Variants in STK3 observed in about 807,000 individuals in gnomAD.
The protein encoded by STK3 is serine/threonine-protein kinase 3.
Under a neutral mutation model 58.0 loss-of-function variants are expected in STK3, and 41 were observed. That is an observed-to-expected ratio of 0.71 (90% CI 0.55 to 0.92). The LOEUF (loss-of-function observed/expected upper bound fraction) is 0.92, where lower values mean the gene tolerates loss of function less well. Ranked by LOEUF, STK3 falls within the 40% of genes least tolerant of loss-of-function variation. The pLI, the probability that STK3 is intolerant of heterozygous loss-of-function variation, is 0.00. For synonymous variants in STK3, 170 were observed against 191.0 expected, an observed-to-expected ratio of 0.89 and a Z score of 0.91; for missense variants, 479 against 602.7, an observed-to-expected ratio of 0.79 and a Z score of 2.15.
At chr8:98,737,866 C>A (rs1828746873) in intron 4 of STK3, among the ~76,000 whole-genome samples, 1 of 152,212 alleles carries the variant, frequency 6.6e-6, no homozygotes, top group East Asian at 1.9e-4. Flanking sequence ...TGCCAGCACA[C>A]CCAGCTAATT....
chr8:98,554,120 C>A (rs1429589902), intron 8 of STK3, among the ~76,000 whole-genome samples: 1 of 152,098 alleles, frequency 6.6e-6, no homozygotes, highest in Non-Finnish European at 1.5e-5. Context: ...CTAAGACCTA[C>A]CTTCTAATTA....
chr8:98,362,365 C>T, the STK3 span, among the ~76,000 whole-genome samples: 1 of 151,940 alleles, frequency 6.6e-6, no homozygotes, highest in Non-Finnish European at 1.5e-5. Context: ...TTTTTTGAGA[C>T]ACTGGGTGCT....
At chr8:98,464,773 A>G (rs546474581) in intron 10 of STK3, among the ~76,000 whole-genome samples, 36 of 152,106 alleles carry the variant, frequency 2.4e-4, no homozygotes, top group Non-Finnish European at 3.2e-4. Context: ...ACTTGATAAC[A>G]CTATAGAAGA....
rs116627653 is a variant in STK3, at chr8:98,657,257, A to G, written c.684+49210T>C. 6.8e-3 allele frequency among the ~76,000 whole-genome samples: 1,040 copies of G among 152,180 alleles called. 8 individuals carry two copies. The highest frequency in any genetic ancestry group is 0.023 in the African/African-American group (975 of 41,544). On this transcript the variant is annotated intron_variant, in intron 6 of 10. Transcript: ENST00000419617. ...TGTGGTAAGTACTGGACACACATCAAATCATTCAATCACAAACAACCCTTC... is the reference window on the plus strand; with the variant it reads ...TGTGGTAAGTACTGGACACACATCAGATCATTCAATCACAAACAACCCTTC...
intron 4 of STK3, among the ~76,000 whole-genome samples, chr8:98,742,854 C>T (rs1829329415): frequency 6.6e-6 from 1 of 151,964 alleles, no homozygotes; most frequent in Admixed American, 6.6e-5. Flanking sequence ...CCAAAATCTC[C>T]TTAAGCTGAT....
chr8:98,582,382 A>AGTTATAT (rs1813994667), intron 7 of STK3, among the ~76,000 whole-genome samples: 1 of 151,818 alleles, frequency 6.6e-6, no homozygotes, highest in South Asian at 2.1e-4. Flanking sequence ...GCATTTTTTA[A>AGTTATAT]GTTATATGTA....
At chr8:98,585,947 G>C (rs546946254) in intron 7 of STK3, among the ~76,000 whole-genome samples, 1 of 152,096 alleles carries the variant, frequency 6.6e-6, no homozygotes, top group Non-Finnish European at 1.5e-5. Context: ...CATTGATTTT[G>C]TATCCTGAAA....
At chr8:98,850,644 T>C (rs1379184927) in intron 3 of STK3, among the ~76,000 whole-genome samples, 1 of 152,012 alleles carries the variant, frequency 6.6e-6, no homozygotes, top group Non-Finnish European at 1.5e-5. Flanking sequence ...TACGAAGGCA[T>C]GAAGATGTAA....
chr8:98,904,927 G>C (rs1442222823), intron 1 of STK3: 3 of 704,224 alleles, frequency 4.3e-6, no homozygotes, highest in African/African-American at 3.5e-5. Flanking sequence ...GACATGGTCT[G>C]CTCTGCCTAG....
At chr8:98,393,084 G>T (rs1273601587), upstream of STK3, among the ~76,000 whole-genome samples, 1 of 152,182 alleles carries the variant, frequency 6.6e-6, no homozygotes, top group East Asian at 1.9e-4. Context: ...TCTAGGAAGT[G>T]ACACTAATAT....
intron 10 of STK3, among the ~76,000 whole-genome samples, chr8:98,520,287 A>G (rs1012843437): frequency 7.5e-4 from 114 of 152,268 alleles, no homozygotes; most frequent in African/African-American, 2.5e-3. Context: ...TCTTTTTATG[A>G]TAATCCCCAA....
chr8:98,530,097 G>C (rs555829446), intron 9 of STK3, among the ~76,000 whole-genome samples: 10 of 152,002 alleles, frequency 6.6e-5, no homozygotes, highest in African/African-American at 2.4e-4. Context: ...TAAATTTTTT[G>C]GTTTCCCAGT....
At position 98,708,123 on chromosome 8, in the gene STK3, A is replaced by C. The variant is rs140730154; in HGVS notation, c.352-812T>G. ...CACTGCATGCCAGCCTGGGCGACACAGCGAGACTCCATCTCAAAAAAAAAA... is the reference window on the plus strand; with the variant it reads ...CACTGCATGCCAGCCTGGGCGACACCGCGAGACTCCATCTCAAAAAAAAAA... On this transcript the variant is annotated intron_variant, in intron 4 of 10. Transcript: ENST00000419617. Among the ~76,000 whole-genome samples the C allele has an allele frequency of 6.7e-3, 1,022 of 151,766 alleles. 8 individuals are homozygous for C. The highest frequency in any genetic ancestry group is 0.023 in the African/African-American group (958 of 41,348).
At chr8:98,458,967 G>A (rs1332998975) in intron 10 of STK3, among the ~76,000 whole-genome samples, 4 of 137,120 alleles carry the variant, frequency 2.9e-5, no homozygotes, top group Non-Finnish European at 6.3e-5. Flanking sequence ...CTGAGGTAGT[G>A]GGGCGCTGCT....
chr8:98,347,487 C>T, the STK3 span, among the ~76,000 whole-genome samples: 21 of 151,836 alleles, frequency 1.4e-4, no homozygotes, highest in African/African-American at 4.8e-4. Context: ...TGCACTCCCG[C>T]CTGGGCCACA....
chr8:98,643,532 C>A (rs752712722), intron 6 of STK3, among the ~76,000 whole-genome samples: 3 of 152,176 alleles, frequency 2.0e-5, no homozygotes, highest in South Asian at 2.1e-4. Flanking sequence ...TTTAAAAGTA[C>A]AATCAGACCT....
chr8:98,711,337 G>A (rs937760262), intron 4 of STK3, among the ~76,000 whole-genome samples: 27 of 151,968 alleles, frequency 1.8e-4, no homozygotes, highest in Non-Finnish European at 1.2e-4. Flanking sequence ...GAACTACTCC[G>A]AGCTAAAGGA....
At chr8:98,435,505 G>A (rs185300297) in intron 2 of STK3, among the ~76,000 whole-genome samples, 240 of 152,268 alleles carry the variant, frequency 1.6e-3, no homozygotes, top group African/African-American at 5.6e-3. Flanking sequence ...TTGGAAGTGT[G>A]AGAGGGGACA....
chr8:98,699,470 G>T (rs1403177876), intron 6 of STK3, among the ~76,000 whole-genome samples: 1 of 151,868 alleles, frequency 6.6e-6, no homozygotes, highest in Non-Finnish European at 1.5e-5. Flanking sequence ...TTTCTGCTCT[G>T]TTTTTTCCCC....
Sources: allele counts gnomAD v4.1 joint callset (sites outside exome capture counted in the v4.1 genomes callset), GRCh38; gene constraint gnomAD v4.1.1; transcripts MANE v1.5; gene names NCBI Gene and HGNC (gene_info 2026-07-23, HGNC 2026-07-21).